Variants in PFKL observed in about 807,000 individuals in gnomAD.
PFKL encodes the protein phosphofructokinase, liver type.
A neutral mutation model predicts 92.1 loss-of-function variants in PFKL; 74 were observed. That is an observed-to-expected ratio of 0.80 (90% CI 0.67 to 0.97). The LOEUF is 0.97. PFKL is among the 50% of genes least tolerant of loss of function. The pLI is 0.00. For missense variants in PFKL, 1,028 were observed against 1,116.6 expected, an observed-to-expected ratio of 0.92 and a Z score of 1.13; for synonymous variants, 494 against 456.4, an observed-to-expected ratio of 1.08 and a Z score of -1.05.
chr21:44,322,709 G>A lies in PFKL; in HGVS notation c.1410-253G>A, dbSNP rs112599824. Among the ~76,000 whole-genome samples, 1,292 of 152,278 alleles carry A rather than the reference G, an allele frequency of 8.5e-3. 21 individuals are homozygous for A. The highest frequency in any genetic ancestry group is 0.029 in the African/African-American group (1,215 of 41,552). ...GCCTCGGGCAGGAAGGGGTTCCCAC[G>A]GGGAGCCCAGCGGGGTGGGGGGTTC... On this transcript the variant is annotated intron_variant, in intron 14 of 21. Coordinates refer to ENST00000349048, the MANE Select transcript of PFKL (RefSeq NM_002626.6).
intron 2 of PFKL, chr21:44,307,262 G>A (rs2040977871): frequency 2.0e-6 from 2 of 985,152 alleles, no homozygotes; most frequent in Non-Finnish European, 2.4e-6. Flanking sequence ...CCCCGCAGGA[G>A]CAGCGGATGC....
At chr21:44,321,946 A>C in intron 13 of PFKL, 71 bp downstream of exon 13, 1 of 1,503,562 alleles carries the variant, frequency 6.7e-7, no homozygotes, top group East Asian at 2.3e-5. Context: ...TTTCCTGTGG[A>C]AGGCCGGCTG....
intron 1 of PFKL, among the ~76,000 whole-genome samples, chr21:44,306,109 G>A (rs1376845922): frequency 1.3e-5 from 2 of 152,242 alleles, no homozygotes; most frequent in African/African-American, 2.4e-5. Context: ...TCCCCACGCC[G>A]CAGCCTGAAT....
intron 3 of PFKL, among the ~76,000 whole-genome samples, chr21:44,311,890 G>A (rs1314300517): frequency 6.6e-6 from 1 of 152,186 alleles, no homozygotes; most frequent in African/African-American, 2.4e-5. Flanking sequence ...CCAAGCCCAG[G>A]ACCGGACGGA....
In PFKL at chr21:44,327,218, C is replaced by T. The variant is rs982720228; in HGVS notation, c.*356C>T. The stretch of plus-strand genomic sequence containing the variant: ...CTCACTACATGGGCCAGCCCTTGCT[C>T]TACCTGGCCGGTAGGCTGCTGGCGC... On this transcript the variant is annotated 3_prime_UTR_variant, in exon 22 of 22. Coordinates refer to ENST00000349048, the MANE Select transcript of PFKL (RefSeq NM_002626.6). 2 of 300,148 alleles carry T rather than the reference C, an allele frequency of 6.7e-6. No individual in the cohort carries two copies. Among genetic ancestry groups the T allele is most frequent in the African/African-American group, 4.2e-5 (2 of 47,548 alleles). The allele number at this position is 300,148 out of a possible 1,614,324, so 18.6% of individuals were successfully genotyped here. A position where few individuals can be genotyped will look rare whatever the true frequency, so the allele number is the denominator to read the frequency against.
chr21:44,311,189 AAC>A (rs373832610), intron 3 of PFKL, 106 bp downstream of exon 3: 20 of 785,524 alleles, frequency 2.5e-5, no homozygotes, highest in African/African-American at 7.4e-5. Flanking sequence ...CACGTGCACA[AAC>A]ACACACATGC....
At chr21:44,314,043 G>T in intron 7 of PFKL, 22 bp downstream of exon 7, 1 of 1,532,366 alleles carries the variant, frequency 6.5e-7, no homozygotes, top group South Asian at 1.2e-5. Flanking sequence ...CCAGCCTGCT[G>T]GGGGCCGCAG....
intron 15 of PFKL, among the ~76,000 whole-genome samples, 169 bp downstream of exon 15, chr21:44,323,218 A>G (rs1278504875): frequency 6.7e-6 from 1 of 149,110 alleles, no homozygotes; most frequent in African/African-American, 2.5e-5. Flanking sequence ...CCCGTGTGCC[A>G]GCTGGGCTGA....
At chr21:44,310,338 C>T (rs1039626486) in intron 2 of PFKL, among the ~76,000 whole-genome samples, 2 of 152,210 alleles carry the variant, frequency 1.3e-5, no homozygotes, top group Middle Eastern at 3.2e-3. Context: ...CCAGTGTGGC[C>T]GGCGTGGCGG....
intron 9 of PFKL, among the ~76,000 whole-genome samples, chr21:44,317,721 C>T (rs1388942500): frequency 2.0e-5 from 3 of 152,218 alleles, no homozygotes; most frequent in African/African-American, 7.2e-5. Flanking sequence ...GACCCTAGCA[C>T]GTGCAGTGGT....
At position 44,313,782 on chromosome 21, in the gene PFKL, G is replaced by T. The variant is rs751025316; in HGVS notation, c.638+100G>T. The stretch of plus-strand genomic sequence containing the variant: ...ATTCTAGGGCTCAGTTAATGCCATG[G>T]GTGTGAGAGAGCCGGGTGGGGGCCG... On this transcript the variant is annotated intron_variant, in intron 6 of 21. Transcript: ENST00000349048. 3.1e-4 allele frequency: 425 copies of T among 1,374,744 alleles called. 2 individuals carry two copies. Among genetic ancestry groups the T allele is most frequent in the Middle Eastern group, 1.9e-4 (1 of 5,306 alleles). 85.2% of individuals were successfully genotyped at this position (1,374,744 alleles called of 1,614,324 possible). A position where few individuals can be genotyped will look rare whatever the true frequency, so the allele number is the denominator to read the frequency against.
Position 44,314,030 on chromosome 21 carries a change from C to G in PFKL, c.747+9C>G, listed in dbSNP as rs149918423. The G allele has an allele frequency of 3.8e-6, 6 of 1,582,988 alleles. No homozygotes were observed. The highest frequency in any genetic ancestry group is 4.3e-6 in the Non-Finnish European group (5 of 1,162,032). The stretch of plus-strand genomic sequence containing the variant: ...GTGAGAGGCTGGGTGAGGTGGGTGC[C>G]GTCCAGCCTGCTGGGGGCCGCAGGT... On this transcript the variant is annotated intron_variant, in intron 7 of 21. Transcript: ENST00000349048.
At chr21:44,306,894 T>C (rs2040963648) in intron 2 of PFKL, 140 bp downstream of exon 2, 1 of 735,278 alleles carries the variant, frequency 1.4e-6, no homozygotes, top group Non-Finnish European at 2.3e-6. Flanking sequence ...TCTTGGGGAG[T>C]GTGAGGGGGA....
intron 15 of PFKL, 79 bp downstream of exon 15, chr21:44,323,128 A>G: frequency 8.2e-7 from 1 of 1,221,102 alleles, no homozygotes; most frequent in Non-Finnish European, 1.2e-6. Context: ...GCCCATCCTG[A>G]AAACCCGTGT....
At chr21:44,306,424 C>A (rs1378909077) in intron 1 of PFKL, among the ~76,000 whole-genome samples, 1 of 152,196 alleles carries the variant, frequency 6.6e-6, no homozygotes, top group Admixed American at 6.5e-5. Context: ...AGTTTCCTGG[C>A]CTGGTGCCTC....
rs543619981 is a variant in PFKL, at chr21:44,313,637, G to A, written c.594-1G>A. 6.2e-7 allele frequency: 1 copy of A among 1,611,852 alleles called. No individual in the cohort carries two copies. On this transcript the variant is annotated splice_acceptor_variant, in intron 5 of 21. Coordinates refer to ENST00000349048, the MANE Select transcript of PFKL (RefSeq NM_002626.6). LOFTEE classifies it high-confidence loss of function. The stretch of plus-strand genomic sequence containing the variant: ...TGCATCCTCCTGTTCCATCTCCACA[G>A]CCACCAGAGGACCTTCGTGCTGGAA...
At chr21:44,314,901 C>T (rs1175941483) in intron 7 of PFKL, 2 of 152,284 alleles carry the variant, frequency 1.3e-5, no homozygotes, top group Non-Finnish European at 2.9e-5. Context: ...GGAACCAGCC[C>T]TGGGGGCAGA....
rs563191933 is a variant in PFKL at position 44,319,339 on chromosome 21, C to G, written c.1063-12C>G. 1.4e-5 allele frequency: 22 copies of G among 1,612,370 alleles called. No homozygotes were observed. In the African/African-American group the frequency reaches 2.4e-4, roughly 18 times the overall value. On this transcript the variant is annotated splice_polypyrimidine_tract_variant and intron_variant, in intron 10 of 21. Coordinates refer to ENST00000349048, the MANE Select transcript of PFKL (RefSeq NM_002626.6). ...GCTCTCCATAGTCTGTGTTCTGTTT[C>G]TCTTCCTTAAGACCAAGGAAGTGCA... is the stretch of plus-strand genomic sequence containing the variant.
intron 19 of PFKL, chr21:44,325,533 G>A (rs9981333): frequency 0.23 from 124,383 of 549,966 alleles, 15,415 homozygotes; most frequent in East Asian, 0.39. Context: ...GGCCTCCCGC[G>A]GCCACTTCCG....
Sources: allele counts gnomAD v4.1 joint callset (sites outside exome capture counted in the v4.1 genomes callset), GRCh38; gene constraint gnomAD v4.1.1; transcripts MANE v1.5; gene names NCBI Gene and HGNC (gene_info 2026-07-23, HGNC 2026-07-21).